EMB: variants seen among roughly 807,000 people sequenced by gnomAD.
EMB encodes the protein embigin.
EMB carries 31 observed loss-of-function variants against 41.4 expected under a neutral mutation model. The ratio of observed to expected loss-of-function variants is 0.75; its 90% CI spans 0.56 to 1.01. The LOEUF is 1.01. Among genes scored for constraint, EMB ranks in the 50% least tolerant of loss-of-function variants. The pLI, the probability that EMB is intolerant of heterozygous loss-of-function variation, is 0.00. For synonymous variants in EMB, 137 were observed against 140.4 expected (o/e 0.98, Z 0.17); for missense variants, 379 against 388.3 (o/e 0.98, Z 0.20).
At chr5:50,426,337 G>T (rs1745609896) in intron 2 of EMB, among the ~76,000 whole-genome samples, 1 of 152,140 alleles carries the variant, frequency 6.6e-6, no homozygotes, top group African/African-American at 2.4e-5. Context: ...GCTGTTATAA[G>T]AATTAAGTTA....
intron 2 of EMB, among the ~76,000 whole-genome samples, chr5:50,420,388 T>G (rs1027920359): frequency 2.6e-5 from 4 of 152,198 alleles, no homozygotes; most frequent in African/African-American, 9.7e-5. Context: ...ATGGTTTATG[T>G]CTCATGGTAT....
intron 1 of EMB, among the ~76,000 whole-genome samples, chr5:50,430,798 T>C (rs1745709062): frequency 6.6e-6 from 1 of 152,120 alleles, no homozygotes; most frequent in Non-Finnish European, 1.5e-5. Context: ...GTGAAGATAA[T>C]TCCAGGAAGA....
intron 2 of EMB, among the ~76,000 whole-genome samples, chr5:50,420,159 C>T (rs181386816): frequency 2.4e-4 from 37 of 152,100 alleles, no homozygotes; most frequent in Admixed American, 6.5e-4. Flanking sequence ...CCTGTACATC[C>T]GGCACATGTA....
chr5:50,420,591 C>T (rs953019969), intron 2 of EMB, among the ~76,000 whole-genome samples: 4 of 152,298 alleles, frequency 2.6e-5, no homozygotes, highest in African/African-American at 4.8e-5. Context: ...TGGCACTGTC[C>T]GGTTTCACCT....
intron 1 of EMB, among the ~76,000 whole-genome samples, chr5:50,439,992 C>A (rs1445340000): frequency 6.6e-6 from 1 of 152,066 alleles, no homozygotes; most frequent in East Asian, 1.9e-4. Flanking sequence ...TAATTATAAA[C>A]AGGTGAAGGT....
intron 4 of EMB, among the ~76,000 whole-genome samples, chr5:50,407,114 T>C (rs560844393): frequency 3.9e-5 from 6 of 152,126 alleles, no homozygotes; most frequent in African/African-American, 1.2e-4. Flanking sequence ...CTTTCCCAGG[T>C]TGTTTATCTC....
upstream of EMB, chr5:50,441,502 C>T (rs1158110160): frequency 1.1e-5 from 2 of 184,894 alleles, no homozygotes; most frequent in African/African-American, 4.7e-5. Flanking sequence ...TAGCCAATCT[C>T]GTGGGGAGAG....
chr5:50,440,070 A>T (rs1234530231), intron 1 of EMB, among the ~76,000 whole-genome samples: 1 of 152,182 alleles, frequency 6.6e-6, no homozygotes, highest in Non-Finnish European at 1.5e-5. Context: ...AGTGTCTTAA[A>T]CAATAAAACA....
intron 2 of EMB, among the ~76,000 whole-genome samples, chr5:50,421,365 G>A (rs1745520128): frequency 6.6e-6 from 1 of 152,222 alleles, no homozygotes; most frequent in South Asian, 2.1e-4. Context: ...ATACCAGTTA[G>A]AATGGCCATC....
In EMB at chr5:50,411,355, A is replaced by AT. The variant is rs771232407; in HGVS notation, c.224dup (p.Asn75LysfsTer9). On this transcript the variant is annotated frameshift_variant, in exon 3 of 9. Coordinates refer to ENST00000303221, the MANE Select transcript of EMB (RefSeq NM_198449.3). LOFTEE classifies it high-confidence loss of function. The stretch of plus-strand genomic sequence containing the variant: ...CATTAGAAGGCCTTTCTAAAGTGAT[A>AT]TTTTTTTCTACTGGCATACTAGAAT... 58 of 1,605,764 alleles carry AT rather than the reference A, an allele frequency of 3.6e-5. 2 individuals are homozygous for AT. In the Middle Eastern group the frequency reaches 5.6e-3, roughly 155 times the overall value.
intron 2 of EMB, among the ~76,000 whole-genome samples, chr5:50,414,511 CA>C (rs1277607695): frequency 8.9e-6 from 1 of 112,330 alleles, no homozygotes; most frequent in Non-Finnish European, 1.7e-5. Flanking sequence ...GGTGATAAAG[CA>C]GGGCCCTGTC....
intron 2 of EMB, among the ~76,000 whole-genome samples, chr5:50,417,945 T>C (rs1290735623): frequency 6.6e-6 from 1 of 152,242 alleles, no homozygotes; most frequent in Non-Finnish European, 1.5e-5. Flanking sequence ...CTCCTATCAG[T>C]CACTGTTTTC....
intron 2 of EMB, among the ~76,000 whole-genome samples, chr5:50,415,935 T>C (rs1335321461): frequency 1.3e-5 from 2 of 152,188 alleles, no homozygotes; most frequent in African/African-American, 4.8e-5. Flanking sequence ...AAAATACACA[T>C]TTTCAACTAA....
intron 2 of EMB, among the ~76,000 whole-genome samples, chr5:50,417,773 A>C (rs541869126): frequency 6.6e-6 from 1 of 152,300 alleles, no homozygotes; most frequent in Non-Finnish European, 1.5e-5. Flanking sequence ...TTTTTTTTAC[A>C]CAGACATCCT....
At chr5:50,416,007 G>A (rs1054785777) in intron 2 of EMB, among the ~76,000 whole-genome samples, 1 of 152,164 alleles carries the variant, frequency 6.6e-6, no homozygotes, top group Non-Finnish European at 1.5e-5. Context: ...CATCCTCCAA[G>A]CCCTAATCGT....
At chr5:50,428,301 G>A in intron 1 of EMB, 74 bp from the exon 2 acceptor site, 2 of 1,350,192 alleles carry the variant, frequency 1.5e-6, no homozygotes, top group East Asian at 2.3e-5. Context: ...CTTTGAAACA[G>A]CTAAAACACT....
intron 1 of EMB, among the ~76,000 whole-genome samples, chr5:50,440,533 C>CAAAA (rs70972912): frequency 1.8e-4 from 11 of 60,052 alleles, no homozygotes; most frequent in African/African-American, 7.6e-4. Flanking sequence ...AACTCCGTCT[C>CAAAA]AAAAAAAAAA....
chr5:50,404,614 T>A (rs918509831), intron 5 of EMB, among the ~76,000 whole-genome samples: 12 of 151,964 alleles, frequency 7.9e-5, no homozygotes, highest in African/African-American at 2.9e-4. Flanking sequence ...CTAATGTTTT[T>A]CACATATTGT....
At chr5:50,436,647 G>A (rs1745807881) in intron 1 of EMB, among the ~76,000 whole-genome samples, 1 of 152,180 alleles carries the variant, frequency 6.6e-6, no homozygotes, top group South Asian at 2.1e-4. Context: ...CCCGCTGCAG[G>A]AGCAACCATT....
Sources: gnomAD v4.1 joint callset for allele counts (sites outside exome capture counted in the v4.1 genomes callset) on GRCh38, gnomAD v4.1.1 for gene constraint, MANE v1.5 for transcripts, NCBI Gene and HGNC (gene_info 2026-07-23, HGNC 2026-07-21) for gene names.